Variants in LDLRAD3 observed in about 807,000 individuals in gnomAD.
The protein encoded by LDLRAD3 is low density lipoprotein receptor class A domain containing 3.
A neutral mutation model predicts 29.4 loss-of-function variants in LDLRAD3; 20 were observed. The ratio of observed to expected loss-of-function variants is 0.68; its 90% CI spans 0.48 to 0.99. LDLRAD3 has a LOEUF of 0.99. Ranked by LOEUF, LDLRAD3 falls within the 50% of genes least tolerant of loss-of-function variation. The pLI is 0.00. For missense variants in LDLRAD3, 420 were observed against 454.3 expected, an observed-to-expected ratio of 0.92 and a Z score of 0.69; for synonymous variants, 157 against 192.7, an observed-to-expected ratio of 0.81 and a Z score of 1.53.
intron 2 of LDLRAD3, among the ~76,000 whole-genome samples, chr11:36,064,878 G>T (rs1227631135): frequency 6.6e-6 from 1 of 152,118 alleles, no homozygotes; most frequent in Admixed American, 6.6e-5. Flanking sequence ...TTTGGTTGGA[G>T]AACATATGTT....
chr11:36,068,878 T>G (rs1852844543), intron 2 of LDLRAD3, among the ~76,000 whole-genome samples: 1 of 152,162 alleles, frequency 6.6e-6, no homozygotes, highest in Non-Finnish European at 1.5e-5. Context: ...GCTGTAGACC[T>G]CCTCTTCTCA....
chr11:36,144,772 C>CTCT (rs1854149172), intron 4 of LDLRAD3, among the ~76,000 whole-genome samples: 1 of 133,682 alleles, frequency 7.5e-6, no homozygotes, highest in Non-Finnish European at 1.7e-5. Context: ...GTCAGCCCCC[C>CTCT]GCCCGGCCAG....
In LDLRAD3 at chr11:36,028,127, A is replaced by C. The variant is rs262435; in HGVS notation, c.47-7976A>C. Among the ~76,000 whole-genome samples, 3 of 152,064 alleles carry C rather than the reference A, an allele frequency of 2.0e-5. No homozygotes were observed. The East Asian group carries it at 5.8e-4, about 29-fold the overall frequency. ...GAGCCCAGAAGTGTTCTTCACCCCAATCTCATTTATCCATTGCATATTGCG... is the reference window on the plus strand; with the variant it reads ...GAGCCCAGAAGTGTTCTTCACCCCACTCTCATTTATCCATTGCATATTGCG... On this transcript the variant is annotated intron_variant, in intron 1 of 5. Coordinates refer to ENST00000315571, the MANE Select transcript of LDLRAD3 (RefSeq NM_174902.4).
At chr11:36,044,847 C>G (rs1227293416) in intron 2 of LDLRAD3, among the ~76,000 whole-genome samples, 1 of 152,228 alleles carries the variant, frequency 6.6e-6, no homozygotes, top group African/African-American at 2.4e-5. Flanking sequence ...GCGCCCACCC[C>G]CAGAGTGGCT....
intron 4 of LDLRAD3, among the ~76,000 whole-genome samples, chr11:36,106,772 G>A (rs1853535050): frequency 6.6e-6 from 1 of 152,246 alleles, no homozygotes; most frequent in South Asian, 2.1e-4. Context: ...TATGGGGTCT[G>A]TGATAGACTG....
At chr11:36,094,454 G>C (rs1313493908) in intron 3 of LDLRAD3, among the ~76,000 whole-genome samples, 1 of 152,228 alleles carries the variant, frequency 6.6e-6, no homozygotes, top group Non-Finnish European at 1.5e-5. Context: ...TCCGGCCCTT[G>C]ATAGGAACAG....
intron 1 of LDLRAD3, among the ~76,000 whole-genome samples, chr11:36,025,476 C>A (rs1296599671): frequency 6.6e-6 from 1 of 151,484 alleles, no homozygotes; most frequent in Non-Finnish European, 1.5e-5. Context: ...GCAAGCACCG[C>A]CTCCAGGGTT....
intron 4 of LDLRAD3, among the ~76,000 whole-genome samples, chr11:36,108,177 G>A (rs889894741): frequency 1.3e-5 from 2 of 151,668 alleles, no homozygotes; most frequent in Non-Finnish European, 2.9e-5. Flanking sequence ...AAAATTAGCT[G>A]GGCGTGGTGG....
intron 4 of LDLRAD3, among the ~76,000 whole-genome samples, chr11:36,190,306 G>A (rs1854921858): frequency 6.6e-6 from 1 of 152,162 alleles, no homozygotes; most frequent in African/African-American, 2.4e-5. Flanking sequence ...ACTAGTGTGG[G>A]CAACATAGTG....
rs1414135520 is a variant in LDLRAD3, at chr11:36,213,766, C to T, written c.455-13319C>T. On this transcript the variant is annotated intron_variant, in intron 4 of 5. Coordinates refer to ENST00000315571, the MANE Select transcript of LDLRAD3 (RefSeq NM_174902.4). This position sits in a 1 kb window ranked among gnomAD's most constrained non-coding sequence, Gnocchi z 4.1. ...TGAATTGTGGACCCAGCCAGACTCC[C>T]CTCCATCGCATCACAGCTTGGAGGC... 2.6e-5 allele frequency among the ~76,000 whole-genome samples: 4 copies of T among 152,220 alleles called. No individual in the cohort carries two copies. The highest frequency in any genetic ancestry group is 5.9e-5 in the Non-Finnish European group (4 of 68,042).
chr11:35,957,659 G>A (rs1363806295), intron 1 of LDLRAD3, among the ~76,000 whole-genome samples: 2 of 151,836 alleles, frequency 1.3e-5, no homozygotes, highest in African/African-American at 4.8e-5. Context: ...AATTAGCCGG[G>A]CACAGTGGTG....
chr11:36,109,553 G>A (rs951972708), intron 4 of LDLRAD3, among the ~76,000 whole-genome samples: 14 of 152,066 alleles, frequency 9.2e-5, no homozygotes, highest in African/African-American at 2.7e-4. Flanking sequence ...GCTGCTCCAG[G>A]CCCCCCACTA....
chr11:36,146,797 A>AT (rs1414803800), intron 4 of LDLRAD3, among the ~76,000 whole-genome samples: 1 of 151,324 alleles, frequency 6.6e-6, no homozygotes, highest in African/African-American at 2.4e-5. Context: ...ATTTTATTTT[A>AT]TTGATTGATT....
intron 4 of LDLRAD3, among the ~76,000 whole-genome samples, chr11:36,214,893 G>A (rs750310330): frequency 3.3e-5 from 5 of 152,202 alleles, no homozygotes; most frequent in Non-Finnish European, 5.9e-5. Context: ...TTTACTATTT[G>A]GAGCTTTGGG....
chr11:36,057,945 C>T (rs1360257390), intron 2 of LDLRAD3, among the ~76,000 whole-genome samples: 2 of 152,164 alleles, frequency 1.3e-5, no homozygotes, highest in Non-Finnish European at 2.9e-5. Context: ...CTTTAGGTTG[C>T]AGTTTTCTCA....
intron 4 of LDLRAD3, among the ~76,000 whole-genome samples, chr11:36,136,822 C>T (rs568721409): frequency 6.6e-6 from 1 of 152,094 alleles, no homozygotes; most frequent in East Asian, 1.9e-4. Context: ...TCCTGAGTAG[C>T]TGGGATTACA....
intron 1 of LDLRAD3, among the ~76,000 whole-genome samples, chr11:36,008,196 A>C (rs1447241390): frequency 6.6e-6 from 1 of 152,212 alleles, no homozygotes; most frequent in Non-Finnish European, 1.5e-5. Flanking sequence ...TGTAAAGAAC[A>C]CTTGGGGACG....
chr11:36,227,550 G>C (rs1270049307), intron 5 of LDLRAD3, 120 bp downstream of exon 5: 2 of 704,580 alleles, frequency 2.8e-6, no homozygotes, highest in Non-Finnish European at 4.4e-6. Context: ...GCTATAGGCA[G>C]TGGCAGCATC....
intron 3 of LDLRAD3, among the ~76,000 whole-genome samples, chr11:36,091,238 T>G (rs1446099836): frequency 6.6e-6 from 1 of 151,486 alleles, no homozygotes. Flanking sequence ...TGACAAGGAG[T>G]TTCTCATTTA....
Sources: allele counts gnomAD v4.1 joint callset (sites outside exome capture counted in the v4.1 genomes callset), GRCh38; gene constraint gnomAD v4.1.1; non-coding constraint Gnocchi (gnomAD v3.1); transcripts MANE v1.5; gene names NCBI Gene and HGNC (gene_info 2026-07-23, HGNC 2026-07-21).